The following PLCE1 variants were observed in gnomAD, a reference collection of about 807,000 sequenced individuals.
PLCE1 encodes the protein 1-phosphatidylinositol 4,5-bisphosphate phosphodiesterase epsilon-1.
Under a neutral mutation model 242.8 loss-of-function variants are expected in PLCE1, and 119 were observed. The observed-to-expected ratio is 0.49, with a 90% confidence interval of 0.42 to 0.57. PLCE1 has a LOEUF of 0.57. PLCE1 is among the 20% of genes least tolerant of loss of function. The pLI, the probability that PLCE1 is intolerant of heterozygous loss-of-function variation, is 0.00. For missense variants in PLCE1, 2,441 were observed against 2,788.8 expected, an observed-to-expected ratio of 0.88 and a Z score of 2.81; for synonymous variants, 945 against 1,017.4, an observed-to-expected ratio of 0.93 and a Z score of 1.35.
In PLCE1 at chr10:94,322,037, C is replaced by T; in HGVS notation, c.6479C>T (p.Thr2160Ile). The T allele has an allele frequency of 6.2e-7, 1 of 1,614,160 alleles. No individual in the cohort carries two copies. The highest frequency in any genetic ancestry group is 1.1e-5 in the South Asian group (1 of 91,090). The change falls in exon 30 of 33, where the codon ACT (threonine) becomes ATT (isoleucine). Residue 2160 changes from threonine to isoleucine, a missense_variant. Coordinates refer to ENST00000371380, the MANE Select transcript of PLCE1 (RefSeq NM_016341.4). ...GTCATCAAAGCACCCCGCGTCAGCA[C>T]TGCACAGGATGTCATTCAGCAGGTA... Reference protein sequence around the residue: ...RTVIKAPRVSTAQDVIQQTLC... With the variant: ...RTVIKAPRVSIAQDVIQQTLC...
chr10:94,188,311 T>C (rs898929987), intron 4 of PLCE1, among the ~76,000 whole-genome samples: 4 of 152,220 alleles, frequency 2.6e-5, no homozygotes, highest in Admixed American at 1.3e-4. Context: ...AAAATATGTT[T>C]TCTTAATTTT....
intron 2 of PLCE1, among the ~76,000 whole-genome samples, chr10:94,113,229 G>A (rs7093524): frequency 0.86 from 129,962 of 151,268 alleles, 57,946 homozygotes; most frequent in South Asian, 0.98. Context: ...TTAAATGAAT[G>A]AATTGTATGG....
intron 11 of PLCE1, among the ~76,000 whole-genome samples, chr10:94,256,907 C>T (rs527865885): frequency 8.0e-4 from 122 of 152,276 alleles, no homozygotes; most frequent in African/African-American, 2.8e-3. Context: ...AGTGGACAAA[C>T]AGAGTTTCCT....
intron 20 of PLCE1, chr10:94,283,418 C>T (rs61886341): frequency 0.014 from 3,896 of 288,452 alleles, 51 homozygotes; most frequent in Non-Finnish European, 0.02. Flanking sequence ...CTAAATCCTT[C>T]CCAAACGTGT....
chr10:94,255,409 G>A (rs1178351238), intron 11 of PLCE1, among the ~76,000 whole-genome samples: 1 of 152,146 alleles, frequency 6.6e-6, no homozygotes, highest in African/African-American at 2.4e-5. Flanking sequence ...GACATTTCAA[G>A]TGCTCCATAG....
At chr10:94,288,871 G>T (rs2052552109) in intron 22 of PLCE1, among the ~76,000 whole-genome samples, 1 of 152,162 alleles carries the variant, frequency 6.6e-6, no homozygotes. Context: ...ATCAAACAGT[G>T]GTTTGCTAAC....
chr10:94,204,406 C>A (rs544757936), intron 4 of PLCE1, among the ~76,000 whole-genome samples: 1 of 152,104 alleles, frequency 6.6e-6, no homozygotes, highest in Non-Finnish European at 1.5e-5. Flanking sequence ...TGGTGGCTCA[C>A]GCCTGTAATC....
chr10:94,309,115 T>C (rs1469690902), intron 27 of PLCE1, among the ~76,000 whole-genome samples: 2 of 152,220 alleles, frequency 1.3e-5, no homozygotes, highest in Non-Finnish European at 2.9e-5. Context: ...CCAATACTTC[T>C]AGAAACTTTA....
chr10:94,087,026 A>T (rs1564674388), intron 2 of PLCE1, among the ~76,000 whole-genome samples: 4 of 152,156 alleles, frequency 2.6e-5, no homozygotes, highest in African/African-American at 9.6e-5. Context: ...TTAAAAAAAA[A>T]TAACTCACCC....
chr10:94,253,825 G>A (rs1454976469), intron 9 of PLCE1, among the ~76,000 whole-genome samples: 1 of 152,072 alleles, frequency 6.6e-6, no homozygotes. Context: ...GATTTGAAGG[G>A]GACAAACATC....
At chr10:94,282,452 A>G (rs2052274086) in intron 20 of PLCE1, among the ~76,000 whole-genome samples, 1 of 152,174 alleles carries the variant, frequency 6.6e-6, no homozygotes, top group Non-Finnish European at 1.5e-5. Flanking sequence ...GACATATTCT[A>G]TGACAATGAC....
At chr10:94,315,300 T>C (rs2053529100) in intron 28 of PLCE1, 1 of 421,770 alleles carries the variant, frequency 2.4e-6, no homozygotes, top group African/African-American at 2.0e-5. Context: ...GCTCTGGGCT[T>C]TGCCTTATTG....
intron 4 of PLCE1, among the ~76,000 whole-genome samples, chr10:94,206,728 C>T (rs2136875691): frequency 6.6e-6 from 1 of 152,322 alleles, no homozygotes; most frequent in East Asian, 1.9e-4. Context: ...GTGGTGTTGA[C>T]ATGCTGCTCT....
At chr10:94,130,943 G>A (rs2046581833) in intron 2 of PLCE1, among the ~76,000 whole-genome samples, 1 of 152,198 alleles carries the variant, frequency 6.6e-6, no homozygotes, top group South Asian at 2.1e-4. Context: ...CACCGAAGGA[G>A]GTGACCTTCA....
At position 94,257,484 on chromosome 10, in the gene PLCE1, G is replaced by A. The variant is rs187685468; in HGVS notation, c.3555-1316G>A. ...ACACATGTACACGTATGTTTATTGC[G>A]GCACTATTCACAATAGCAAAGACTT... On this transcript the variant is annotated intron_variant, in intron 11 of 32. Coordinates refer to ENST00000371380, the MANE Select transcript of PLCE1 (RefSeq NM_016341.4). Among the ~76,000 whole-genome samples the A allele has an allele frequency of 9.6e-4, 146 of 152,090 alleles. No individual in the cohort carries two copies. The highest frequency in any genetic ancestry group is 1.2e-3 in the Non-Finnish European group (84 of 67,986).
intron 26 of PLCE1, among the ~76,000 whole-genome samples, chr10:94,307,648 T>G (rs2133655629): frequency 6.6e-6 from 1 of 152,318 alleles, no homozygotes; most frequent in East Asian, 1.9e-4. Context: ...GGCTTGCAGA[T>G]GGTCCCCACA....
intron 9 of PLCE1, 89 bp from the exon 10 acceptor site, chr10:94,254,101 G>A (rs568841925): frequency 6.6e-6 from 6 of 913,530 alleles, no homozygotes; most frequent in Non-Finnish European, 1.1e-5. Flanking sequence ...TTGAAGGTGG[G>A]TAGGTCAGAA....
intron 2 of PLCE1, among the ~76,000 whole-genome samples, chr10:94,113,506 G>C (rs1388813508): frequency 6.6e-6 from 1 of 152,190 alleles, no homozygotes; most frequent in Admixed American, 6.5e-5. Flanking sequence ...GATGGGCTGG[G>C]AGCCGTAGGT....
chr10:94,252,327 G>A lies in PLCE1; in HGVS notation c.3108G>A (p.Arg1036=), dbSNP rs2050907696. 1.9e-6 allele frequency: 3 copies of A among 1,613,916 alleles called. No homozygotes were observed. Among genetic ancestry groups the A allele is most frequent in the African/African-American group, 2.7e-5 (2 of 74,912 alleles). ...QYVSLYQEDG[R]YEGPTLAHAV... ...TGGCTCTTTCACAGGAGGATGGACG[G>A]TATGAAGGCCCAACTTTGGCTCACG... The change falls in exon 9 of 33, where the codon CGG becomes CGA. Residue 1036 remains arginine, a synonymous_variant. Transcript: ENST00000371380.
Sources: allele counts gnomAD v4.1 joint callset (sites outside exome capture counted in the v4.1 genomes callset), GRCh38; gene constraint gnomAD v4.1.1; transcripts MANE v1.5; gene names NCBI Gene and HGNC (gene_info 2026-07-23, HGNC 2026-07-21).